The following ADGRV1 variants were observed in gnomAD, a reference collection of about 807,000 sequenced individuals.
ADGRV1 encodes the protein adhesion G protein-coupled receptor V1.
In ADGRV1, 359 loss-of-function variants were observed where a neutral mutation model predicts 596.2. The ratio of observed to expected loss-of-function variants is 0.60; its 90% CI spans 0.55 to 0.66. The LOEUF (loss-of-function observed/expected upper bound fraction) is 0.66, where lower values mean the gene tolerates loss of function less well. ADGRV1 is among the 30% of genes least tolerant of loss of function. The pLI, the probability that ADGRV1 is intolerant of heterozygous loss-of-function variation, is 0.00. For synonymous variants in ADGRV1, 2,681 were observed against 2,679.2 expected (o/e 1.00, Z -0.02); for missense variants, 7,274 against 7,575.6 (o/e 0.96, Z 1.48).
intron 34 of ADGRV1, among the ~76,000 whole-genome samples, chr5:90,699,951 G>A (rs1224246317): frequency 2.6e-5 from 4 of 152,088 alleles, no homozygotes; most frequent in African/African-American, 7.2e-5. Flanking sequence ...TTTCTTGCTG[G>A]CATGAGTGCT....
chr5:90,909,443 T>C (rs1581481752), intron 83 of ADGRV1, among the ~76,000 whole-genome samples: 1 of 152,160 alleles, frequency 6.6e-6, no homozygotes, highest in South Asian at 2.1e-4. Context: ...CTCAGACTCT[T>C]GGCTGGTTAG....
chr5:91,138,987 T>C (rs1794876712), intron 87 of ADGRV1, among the ~76,000 whole-genome samples: 1 of 152,144 alleles, frequency 6.6e-6, no homozygotes, highest in South Asian at 2.1e-4. Flanking sequence ...GCCAGGCTGG[T>C]CACGAACTCC....
intron 83 of ADGRV1, among the ~76,000 whole-genome samples, chr5:90,874,835 G>A (rs187790247): frequency 6.6e-6 from 1 of 151,928 alleles, no homozygotes; most frequent in East Asian, 1.9e-4. Context: ...TCCAGCCCGG[G>A]CGACAGCAAG....
rs573667846 is a variant in ADGRV1 at position 90,977,428 on chromosome 5, A to G, written c.17974-7916A>G. Among the ~76,000 whole-genome samples the G allele has an allele frequency of 2.6e-5, 4 of 152,370 alleles. 1 individual carries two copies. The highest frequency in any genetic ancestry group is 1.9e-4 in the East Asian group (1 of 5,186). On this transcript the variant is annotated intron_variant, in intron 84 of 89. Coordinates refer to ENST00000405460, the MANE Select transcript of ADGRV1 (RefSeq NM_032119.4). ...CTGGTGACACAGTTAATAATCAACT[A>G]TTAAACAACAGTCAGGATACCAATC...
intron 42 of ADGRV1, among the ~76,000 whole-genome samples, chr5:90,713,837 G>A (rs565174959): frequency 9.1e-4 from 139 of 152,194 alleles, no homozygotes; most frequent in Non-Finnish European, 1.4e-3. Flanking sequence ...AAGGAATATA[G>A]TATTGGGCTC....
chr5:91,049,300 G>C (rs952487006), intron 85 of ADGRV1, among the ~76,000 whole-genome samples: 5 of 152,100 alleles, frequency 3.3e-5, no homozygotes, highest in East Asian at 1.9e-4. Context: ...TCACATGTTT[G>C]TTTATGGATT....
At chr5:90,865,875 T>C (rs1768043185) in intron 83 of ADGRV1, among the ~76,000 whole-genome samples, 1 of 152,136 alleles carries the variant, frequency 6.6e-6, no homozygotes, top group South Asian at 2.1e-4. Flanking sequence ...GCTCCAGTTA[T>C]AGAATCTTGC....
intron 67 of ADGRV1, among the ~76,000 whole-genome samples, chr5:90,786,255 T>A (rs1399346746): frequency 1.2e-5 from 1 of 80,076 alleles, no homozygotes; most frequent in Non-Finnish European, 2.6e-5. Flanking sequence ...TATTGGGGGG[T>A]GGGGGGCTAG....
At chr5:90,935,133 T>C (rs767737473) in intron 83 of ADGRV1, among the ~76,000 whole-genome samples, 1 of 152,224 alleles carries the variant, frequency 6.6e-6, no homozygotes, top group African/African-American at 2.4e-5. Context: ...GTGCCAGTTA[T>C]AATGGAGAAC....
chr5:90,645,410 C>T (rs907041834), intron 15 of ADGRV1, among the ~76,000 whole-genome samples: 34 of 152,218 alleles, frequency 2.2e-4, no homozygotes, highest in African/African-American at 7.2e-4. Context: ...GAGGGGAGCA[C>T]CAGTTCACAG....
intron 87 of ADGRV1, among the ~76,000 whole-genome samples, chr5:91,130,982 G>A (rs1794167945): frequency 6.6e-6 from 1 of 152,214 alleles, no homozygotes; most frequent in Admixed American, 6.5e-5. Flanking sequence ...GTATTCCGTG[G>A]TATATATGTA....
At chr5:90,887,101 G>T (rs185627733) in intron 83 of ADGRV1, among the ~76,000 whole-genome samples, 55 of 152,184 alleles carry the variant, frequency 3.6e-4, no homozygotes, top group Non-Finnish European at 5.9e-4. Context: ...TGCTCTTCAA[G>T]ATCAATTCCA....
At chr5:90,690,723 G>A (rs1746360031) in intron 30 of ADGRV1, 74 bp from the exon 31 acceptor site, 1 of 1,416,788 alleles carries the variant, frequency 7.1e-7, no homozygotes. Flanking sequence ...ATCCACTATA[G>A]GATGGTGCTT....
intron 1 of ADGRV1, among the ~76,000 whole-genome samples, chr5:90,572,769 G>A (rs1483799243): frequency 6.6e-6 from 1 of 152,154 alleles, no homozygotes; most frequent in East Asian, 1.9e-4. Flanking sequence ...TTTGGGACTA[G>A]CCTTGGAAAA....
intron 27 of ADGRV1, 34 bp downstream of exon 27, chr5:90,681,488 T>A: frequency 6.3e-7 from 1 of 1,582,250 alleles, no homozygotes; most frequent in Non-Finnish European, 8.6e-7. Context: ...TCCTAGACAC[T>A]TTCTGTTGTT....
intron 21 of ADGRV1, among the ~76,000 whole-genome samples, chr5:90,665,592 G>GT (rs1450317439): frequency 6.6e-6 from 1 of 150,578 alleles, no homozygotes; most frequent in Non-Finnish European, 1.5e-5. Flanking sequence ...TTTTTGAAGG[G>GT]TTTTTTGTGT....
chr5:90,707,911 G>C lies in ADGRV1; in HGVS notation c.8731-905G>C, dbSNP rs79290391. Among the ~76,000 whole-genome samples the C allele has an allele frequency of 1.4e-4, 21 of 152,148 alleles. No homozygotes were observed. The East Asian group carries it at 4.1e-3, about 29-fold the overall frequency. On this transcript the variant is annotated intron_variant, in intron 38 of 89. Coordinates refer to ENST00000405460, the MANE Select transcript of ADGRV1 (RefSeq NM_032119.4). Reference sequence around the variant, plus strand: ...GTGGTAGGGAGGAAGTATTGCGTGGGGGGTGGGGGACATTAAGAGTAGGCA... The same window carrying C: ...GTGGTAGGGAGGAAGTATTGCGTGGCGGGTGGGGGACATTAAGAGTAGGCA...
chr5:90,968,626 AC>A (rs1162072284), intron 84 of ADGRV1, among the ~76,000 whole-genome samples: 1 of 152,200 alleles, frequency 6.6e-6, no homozygotes, highest in Non-Finnish European at 1.5e-5. Context: ...TAGTTAGGTT[AC>A]TTTTAATGAA....
chr5:91,025,030 G>A (rs917743345), intron 85 of ADGRV1, among the ~76,000 whole-genome samples: 2 of 152,266 alleles, frequency 1.3e-5, no homozygotes, highest in Non-Finnish European at 1.5e-5. Flanking sequence ...GACTAGGAAA[G>A]TTGATTACCT....
Sources: gnomAD v4.1 joint callset for allele counts (sites outside exome capture counted in the v4.1 genomes callset) on GRCh38, gnomAD v4.1.1 for gene constraint, MANE v1.5 for transcripts, NCBI Gene and HGNC (gene_info 2026-07-23, HGNC 2026-07-21) for gene names.